Variants in CTIF observed in about 807,000 individuals in gnomAD.
CTIF encodes the protein cap binding complex dependent translation initiation factor, also known as CBP80/20-dependent translation initiation factor.
CTIF carries 21 observed loss-of-function variants against 66.0 expected under a neutral mutation model. The ratio of observed to expected loss-of-function variants is 0.32; its 90% CI spans 0.23 to 0.46. The LOEUF (loss-of-function observed/expected upper bound fraction) is 0.46, where lower values mean the gene tolerates loss of function less well. CTIF is among the 20% of genes least tolerant of loss of function. CTIF has a pLI of 1.00. For missense variants in CTIF, 739 were observed against 812.7 expected (o/e 0.91, Z 1.10); for synonymous variants, 345 against 326.4 (o/e 1.06, Z -0.62).
Position 48,599,055 on chromosome 18 carries a change from G to C in CTIF, c.-28-20483G>C, listed in dbSNP as rs562721941. Among the ~76,000 whole-genome samples the C allele has an allele frequency of 5.3e-5, 8 of 152,280 alleles. No individual in the cohort carries two copies. In the East Asian group the frequency reaches 1.4e-3, roughly 26 times the overall value. ...CTCTGCGTGGGAGGACTGCCCACCCGACGGGGGCCTGAGAGCTTTAACAGA... is the reference window on the plus strand; with the variant it reads ...CTCTGCGTGGGAGGACTGCCCACCCCACGGGGGCCTGAGAGCTTTAACAGA... On this transcript the variant is annotated intron_variant, in intron 1 of 11. Coordinates refer to ENST00000256413, the MANE Select transcript of CTIF (RefSeq NM_014772.3).
At chr18:48,858,162 G>T (rs2069373100) in intron 11 of CTIF, among the ~76,000 whole-genome samples, 1 of 152,262 alleles carries the variant, frequency 6.6e-6, no homozygotes, top group Non-Finnish European at 1.5e-5. Context: ...TCTGCCCTCT[G>T]CAGATGGTCC....
intron 9 of CTIF, among the ~76,000 whole-genome samples, chr18:48,806,668 C>T (rs536550830): frequency 2.0e-5 from 3 of 152,286 alleles, no homozygotes; most frequent in South Asian, 2.1e-4. Context: ...TGGTGGTTTG[C>T]GCTGCTGGGT....
At chr18:48,762,595 A>C (rs1350922858) in intron 9 of CTIF, among the ~76,000 whole-genome samples, 14 of 152,190 alleles carry the variant, frequency 9.2e-5, no homozygotes. Flanking sequence ...ATACAAAGTG[A>C]GTTTCTGGTC....
intron 7 of CTIF, among the ~76,000 whole-genome samples, chr18:48,717,806 A>C (rs768738212): frequency 1.9e-4 from 29 of 152,176 alleles, no homozygotes; most frequent in Non-Finnish European, 2.9e-4. Flanking sequence ...AGTTCATTGC[A>C]GCCTTGAACT....
chr18:48,570,285 A>G (rs191864295), intron 1 of CTIF, among the ~76,000 whole-genome samples: 7 of 152,362 alleles, frequency 4.6e-5, no homozygotes, highest in Admixed American at 1.3e-4. Flanking sequence ...ATTAGGAGGA[A>G]GAACTCTTGT....
chr18:48,730,922 T>C (rs1333016145), intron 7 of CTIF, among the ~76,000 whole-genome samples: 2 of 152,076 alleles, frequency 1.3e-5, no homozygotes, highest in East Asian at 1.9e-4. Context: ...GTTTTCATCA[T>C]GGCAAAAATC....
chr18:48,628,409 G>A (rs1294053161), intron 2 of CTIF, among the ~76,000 whole-genome samples: 1 of 152,168 alleles, frequency 6.6e-6, no homozygotes, highest in Non-Finnish European at 1.5e-5. Flanking sequence ...AGTAACAAAG[G>A]AGACTGTTTG....
chr18:48,637,076 C>T (rs541469886), intron 3 of CTIF, among the ~76,000 whole-genome samples: 3 of 152,262 alleles, frequency 2.0e-5, no homozygotes, highest in East Asian at 1.9e-4. Flanking sequence ...CAATGGGACT[C>T]GGCATTTTGA....
intron 7 of CTIF, among the ~76,000 whole-genome samples, chr18:48,722,613 C>T (rs1306921735): frequency 2.0e-5 from 3 of 151,632 alleles, no homozygotes; most frequent in African/African-American, 7.3e-5. Flanking sequence ...CAGGTGTAAG[C>T]ACCCGGCCGT....
chr18:48,732,779 C>G (rs1206890663), intron 7 of CTIF, among the ~76,000 whole-genome samples: 1 of 152,234 alleles, frequency 6.6e-6, no homozygotes, highest in Non-Finnish European at 1.5e-5. Flanking sequence ...CCCTCCCCAG[C>G]CATGCCACGG....
At chr18:48,714,272 G>T (rs2092258024) in intron 7 of CTIF, among the ~76,000 whole-genome samples, 1 of 152,168 alleles carries the variant, frequency 6.6e-6, no homozygotes, top group African/African-American at 2.4e-5. Context: ...AACTACACTG[G>T]GAGGGGCTTG....
chr18:48,790,852 G>A (rs554079734), intron 9 of CTIF, among the ~76,000 whole-genome samples: 377 of 152,292 alleles, frequency 2.5e-3, no homozygotes, highest in Non-Finnish European at 4.1e-3. Flanking sequence ...TCCTCCTGGG[G>A]CCTCTGTCAG....
chr18:48,778,323 A>C (rs1272663333), intron 9 of CTIF, among the ~76,000 whole-genome samples: 2 of 152,184 alleles, frequency 1.3e-5, no homozygotes, highest in Non-Finnish European at 2.9e-5. Context: ...GTCATTTATC[A>C]ATCAGGAGGC....
intron 10 of CTIF, among the ~76,000 whole-genome samples, chr18:48,843,157 T>C (rs1323249512): frequency 2.6e-5 from 4 of 151,778 alleles, no homozygotes; most frequent in Non-Finnish European, 5.9e-5. Context: ...AGCTCTGTTG[T>C]GCAGAGTCAG....
chr18:48,733,756 G>A (rs11662146), intron 7 of CTIF, among the ~76,000 whole-genome samples: 17,501 of 152,246 alleles, frequency 0.11, 1,171 homozygotes, highest in Non-Finnish European at 0.14. Flanking sequence ...TTCAGGCCAC[G>A]CCTGTGGGGA....
chr18:48,544,795 G>C (rs376095215), intron 1 of CTIF, among the ~76,000 whole-genome samples: 1 of 152,256 alleles, frequency 6.6e-6, no homozygotes, highest in African/African-American at 2.4e-5. Context: ...GTCGGTGCGA[G>C]CTTCACAGTA....
chr18:48,637,333 C>G (rs1249920185), intron 3 of CTIF, among the ~76,000 whole-genome samples: 2 of 152,200 alleles, frequency 1.3e-5, no homozygotes, highest in Non-Finnish European at 2.9e-5. Context: ...CCTGGTGACC[C>G]CCTGGCCCTC....
intron 6 of CTIF, among the ~76,000 whole-genome samples, chr18:48,687,305 GACACACACACACACACACACACACAC>G (rs3082465): frequency 3.1e-5 from 4 of 128,560 alleles, no homozygotes; most frequent in African/African-American, 1.2e-4. Context: ...TCTAGGAGGG[GACACACACACACACACACACACACAC>G]ACACACACAC....
At chr18:48,539,686 C>G (rs2088558968) in intron 1 of CTIF, 1 of 152,636 alleles carries the variant, frequency 6.6e-6, no homozygotes, top group Non-Finnish European at 1.5e-5. Context: ...GGTGTAGCCG[C>G]TGTCATGTGC....
Sources: allele counts gnomAD v4.1 joint callset (sites outside exome capture counted in the v4.1 genomes callset), GRCh38; gene constraint gnomAD v4.1.1; transcripts MANE v1.5; gene names NCBI Gene and HGNC (gene_info 2026-07-23, HGNC 2026-07-21).